ST18: variants seen among roughly 807,000 people sequenced by gnomAD.
The protein encoded by ST18 is suppression of tumorigenicity 18 protein.
Under a neutral mutation model 110.0 loss-of-function variants are expected in ST18, and 50 were observed. The observed-to-expected ratio is 0.45, with a 90% confidence interval of 0.36 to 0.58. The LOEUF is 0.58. ST18 is among the 20% of genes least tolerant of loss of function. The probability of loss-of-function intolerance (pLI) is 0.00; values close to 1 mark genes in which losing one functional copy is unlikely to be tolerated. For synonymous variants in ST18, 461 were observed against 452.4 expected, an observed-to-expected ratio of 1.02 and a Z score of -0.24; for missense variants, 1,306 against 1,280.1, an observed-to-expected ratio of 1.02 and a Z score of -0.31.
chr8:52,388,123 T>G lies in ST18; in HGVS notation c.-465+21205A>C, dbSNP rs558338831. Among the ~76,000 whole-genome samples, 11 of 152,314 alleles carry G rather than the reference T, an allele frequency of 7.2e-5. No homozygotes were observed. In the South Asian group the frequency reaches 2.3e-3, roughly 32 times the overall value. ...TCGAAAATGCGAGTTTGTTCCAACG[T>G]GATTGATATACTAGGAGCAATTTGA... is the stretch of plus-strand genomic sequence containing the variant. On this transcript the variant is annotated intron_variant, in intron 2 of 25. Coordinates refer to ENST00000689386, the MANE Select transcript of ST18 (RefSeq NM_001352837.2).
At chr8:52,281,941 C>T (rs532927407) in intron 2 of ST18, among the ~76,000 whole-genome samples, 6 of 152,224 alleles carry the variant, frequency 3.9e-5, no homozygotes, top group East Asian at 1.9e-4. Flanking sequence ...TTGGGTACAA[C>T]GTACACTGCT....
intron 17 of ST18, among the ~76,000 whole-genome samples, chr8:52,139,697 G>T (rs116538718): frequency 0.012 from 1,852 of 152,238 alleles, 48 homozygotes; most frequent in African/African-American, 0.043. Context: ...ATTGCCAGGA[G>T]AAGCCAAGAA....
chr8:52,122,016 T>G (rs929639504), intron 23 of ST18, among the ~76,000 whole-genome samples: 1 of 152,154 alleles, frequency 6.6e-6, no homozygotes, highest in Non-Finnish European at 1.5e-5. Flanking sequence ...CAGCTAATTT[T>G]TTTATTTTTA....
chr8:52,125,660 A>AT (rs34904132), intron 23 of ST18, among the ~76,000 whole-genome samples: 44 of 146,920 alleles, frequency 3.0e-4, no homozygotes, highest in South Asian at 6.5e-4. Flanking sequence ...CTGGGCTAAT[A>AT]TTTTTTTTTT....
intron 2 of ST18, among the ~76,000 whole-genome samples, chr8:52,345,082 A>AT (rs1457189868): frequency 6.6e-6 from 1 of 152,162 alleles, no homozygotes; most frequent in Non-Finnish European, 1.5e-5. Context: ...ATATTCTTTA[A>AT]TTTCCAAACA....
intron 2 of ST18, among the ~76,000 whole-genome samples, chr8:52,389,725 C>A (rs1838585557): frequency 6.6e-6 from 1 of 152,224 alleles, no homozygotes; most frequent in African/African-American, 2.4e-5. Context: ...GCCCAACTGG[C>A]CCTGCACGGG....
intron 2 of ST18, among the ~76,000 whole-genome samples, chr8:52,267,788 T>C (rs554004791): frequency 8.5e-5 from 13 of 152,346 alleles, no homozygotes; most frequent in African/African-American, 2.6e-4. Flanking sequence ...GGAGAGCCCA[T>C]GGCTGCCAGG....
intron 15 of ST18, chr8:52,150,864 T>G (rs1236714873): frequency 6.6e-6 from 1 of 152,210 alleles, no homozygotes; most frequent in Non-Finnish European, 1.5e-5. Context: ...TGGTTCAAGC[T>G]CCAGCAAACT....
Position 52,343,372 on chromosome 8 carries a change from A to G in ST18, c.-465+65956T>C, listed in dbSNP as rs368421847. Among the ~76,000 whole-genome samples the G allele has an allele frequency of 2.0e-5, 3 of 152,160 alleles. 1 individual carries two copies. The highest frequency in any genetic ancestry group is 4.1e-4 in the South Asian group (2 of 4,830). The stretch of plus-strand genomic sequence containing the variant: ...CTCCTCATCTCCCTTCCTACTTTAT[A>G]TGAGGTGATCATATCTTTTACTCAC... On this transcript the variant is annotated intron_variant, in intron 2 of 25. Coordinates refer to ENST00000689386, the MANE Select transcript of ST18 (RefSeq NM_001352837.2).
intron 17 of ST18, among the ~76,000 whole-genome samples, chr8:52,139,376 G>A (rs980302940): frequency 6.6e-6 from 1 of 150,866 alleles, no homozygotes; most frequent in Non-Finnish European, 1.5e-5. Flanking sequence ...TTTTTTTTGA[G>A]ACAGAGTCTC....
At chr8:52,160,117 T>A (rs1171072833) in intron 14 of ST18, among the ~76,000 whole-genome samples, 3 of 152,214 alleles carry the variant, frequency 2.0e-5, no homozygotes, top group African/African-American at 7.2e-5. Context: ...GTACATTGAA[T>A]GCTCTTATTA....
Position 52,158,930 on chromosome 8 carries a change from G to A in ST18, c.1774C>T (p.Leu592Phe). The A allele has an allele frequency of 6.2e-7, 1 of 1,614,028 alleles. No individual in the cohort carries two copies. Among genetic ancestry groups the A allele is most frequent in the Non-Finnish European group, 8.5e-7 (1 of 1,179,900 alleles). The change falls in exon 15 of 26, where the codon CTC becomes TTC. Residue 592 changes from leucine (L) to phenylalanine (F), a missense_variant. Coordinates refer to ENST00000689386, the MANE Select transcript of ST18 (RefSeq NM_001352837.2). ...TGCAGACTCTGTGGCTTGTTGGAGA[G>A]GATGTCTGTGGCTTCCCTGCAGCGG... ...STRCREATDI[L>F]SNKPQSLHAK... is the part of the protein sequence containing the mutation.
intron 2 of ST18, chr8:52,408,981 T>C (rs2141201111): frequency 6.6e-6 from 1 of 152,374 alleles, no homozygotes; most frequent in South Asian, 2.1e-4. Context: ...CGTGCAAATA[T>C]AAATCTAAAA....
Position 52,171,931 on chromosome 8 carries a change from A to G in ST18, c.930T>C (p.Ile310=). The change falls in exon 10 of 26, where the codon ATT becomes ATC. Residue 310 remains isoleucine, a synonymous_variant. Coordinates refer to ENST00000689386, the MANE Select transcript of ST18 (RefSeq NM_001352837.2). ...CACAACCTCGCTCAGCCTGCAGAGC[A>G]ATTGCCTGCTCCAGCAAACTTAAAT... is the stretch of plus-strand genomic sequence containing the variant. The part of the protein sequence containing the change: ...KGNLSLLEQA[I]ALQAERGCVF... The G allele has an allele frequency of 6.2e-7, 1 of 1,614,242 alleles. No homozygotes were observed. Among genetic ancestry groups the G allele is most frequent in the Non-Finnish European group, 8.5e-7 (1 of 1,180,034 alleles).
At chr8:52,166,305 T>C (rs111384341) in intron 11 of ST18, among the ~76,000 whole-genome samples, 326 of 152,300 alleles carry the variant, frequency 2.1e-3, no homozygotes, top group Non-Finnish European at 3.9e-3. Flanking sequence ...ACAAGCACAC[T>C]TTAAAAATGC....
At chr8:52,170,119 T>C (rs113109071) in intron 10 of ST18, among the ~76,000 whole-genome samples, 4,554 of 152,324 alleles carry the variant, frequency 0.03, 111 homozygotes, top group Non-Finnish European at 0.048. Flanking sequence ...TCATTTTGTG[T>C]GCTACTTAGA....
Position 52,172,535 on chromosome 8 carries a change from T to C in ST18, c.326A>G (p.Gln109Arg), listed in dbSNP as rs1178777086. 2 of 1,607,650 alleles carry C rather than the reference T, an allele frequency of 1.2e-6. No individual in the cohort carries two copies. The highest frequency in any genetic ancestry group is 1.7e-6 in the Non-Finnish European group (2 of 1,178,128). The change falls in exon 10 of 26, where the codon CAA (glutamine) becomes CGA (arginine). Residue 109 changes from glutamine (Q) to arginine (R), a missense_variant. Physicochemically the swap from Gln to Arg is conservative, Grantham distance 43 (BLOSUM62 1). Transcript: ENST00000689386. ...PMDESLLSTA[Q>R]ENSSRKEDRY... ...GTCTTCCTTCCTACTGGAGTTTTCT[T>C]GTGCAGTTGAAAGAAGACTTTCATC...
chr8:52,386,500 G>A (rs1280058051), intron 2 of ST18, among the ~76,000 whole-genome samples: 2 of 149,296 alleles, frequency 1.3e-5, no homozygotes, highest in Non-Finnish European at 3.0e-5. Context: ...AATCAATTGA[G>A]AAAAACTGGG....
chr8:52,164,806 T>A (rs1242370705), intron 12 of ST18, among the ~76,000 whole-genome samples: 1 of 152,208 alleles, frequency 6.6e-6, no homozygotes, highest in Non-Finnish European at 1.5e-5. Flanking sequence ...CTTTGCAATG[T>A]CAAAACAGCA....
Sources: gnomAD v4.1 joint callset for allele counts (sites outside exome capture counted in the v4.1 genomes callset) on GRCh38, gnomAD v4.1.1 for gene constraint, MANE v1.5 for transcripts, NCBI Gene and HGNC (gene_info 2026-07-23, HGNC 2026-07-21) for gene names.